Variants in TEX9 observed in about 807,000 individuals in gnomAD.
The protein encoded by TEX9 is testis-expressed protein 9.
In TEX9, 74 loss-of-function variants were observed where a neutral mutation model predicts 59.6. The observed-to-expected ratio is 1.24, with a 90% CI of 1.03 to 1.51. The LOEUF (loss-of-function observed/expected upper bound fraction) is 1.51. TEX9 is among the 40% of genes most tolerant of loss of function. The probability of loss-of-function intolerance (pLI) is 0.00; values close to 1 mark genes in which losing one functional copy is unlikely to be tolerated. For synonymous variants in TEX9, 186 were observed against 152.2 expected (o/e 1.22, Z -1.64); for missense variants, 522 against 447.8 (o/e 1.17, Z -1.49).
chr15:56,310,579 A>G (rs1946791602), intron 1 of TEX9, among the ~76,000 whole-genome samples: 1 of 152,182 alleles, frequency 6.6e-6, no homozygotes, highest in African/African-American at 2.4e-5. Flanking sequence ...AGCGCATCCT[A>G]CTTTCCATTG....
At chr15:56,279,191 C>T (rs546294810) in intron 1 of TEX9, among the ~76,000 whole-genome samples, 2 of 152,178 alleles carry the variant, frequency 1.3e-5, no homozygotes, top group South Asian at 4.2e-4. Context: ...AGAAATGTAC[C>T]TCATGAATTT....
chr15:56,281,340 A>C (rs2141455408), intron 1 of TEX9, among the ~76,000 whole-genome samples: 1 of 152,368 alleles, frequency 6.6e-6, no homozygotes, highest in Non-Finnish European at 1.5e-5. Flanking sequence ...TCTGTTAGGA[A>C]CTGGGCTGCA....
chr15:56,265,228 G>A (rs1265037157), intron 1 of TEX9, among the ~76,000 whole-genome samples: 1 of 150,390 alleles, frequency 6.6e-6, no homozygotes, highest in Non-Finnish European at 1.5e-5. Context: ...GAGTGTAGTG[G>A]TACCATAGCT....
chr15:56,311,951 A>G (rs1420826827), intron 1 of TEX9, among the ~76,000 whole-genome samples: 1 of 148,992 alleles, frequency 6.7e-6, no homozygotes, highest in East Asian at 2.0e-4. Context: ...TCTTTTGAGA[A>G]GTGTCTGTTC....
intron 5 of TEX9, among the ~76,000 whole-genome samples, chr15:56,388,925 G>T (rs1252729555): frequency 6.6e-6 from 1 of 151,846 alleles, no homozygotes; most frequent in Non-Finnish European, 1.5e-5. Flanking sequence ...AACATAGTGG[G>T]ATCTATGTTT....
At chr15:56,443,707 C>G (rs1181232919) in intron 12 of TEX9, 1 of 1,613,416 alleles carries the variant, frequency 6.2e-7, no homozygotes, top group African/African-American at 1.3e-5. Flanking sequence ...CTTCTCTTTG[C>G]TGCTGCATGT....
chr15:56,316,872 G>C (rs1008493357), intron 1 of TEX9, among the ~76,000 whole-genome samples: 1 of 152,184 alleles, frequency 6.6e-6, no homozygotes, highest in Non-Finnish European at 1.5e-5. Context: ...TTTTAAGCCC[G>C]TCGGAAAAGC....
intron 10 of TEX9, among the ~76,000 whole-genome samples, chr15:56,421,059 A>G (rs2049954346): frequency 6.6e-6 from 1 of 151,758 alleles, no homozygotes; most frequent in South Asian, 2.1e-4. Flanking sequence ...ATTATGTCAA[A>G]TTGCTTGATA....
chr15:56,376,826 T>TACTCCA (rs2047476725), intron 3 of TEX9, among the ~76,000 whole-genome samples: 1 of 152,116 alleles, frequency 6.6e-6, no homozygotes, highest in South Asian at 2.1e-4. Flanking sequence ...AATCTTTGTC[T>TACTCCA]ACTCCAATGT....
chr15:56,327,998 C>G (rs1448697586), intron 1 of TEX9, among the ~76,000 whole-genome samples: 1 of 152,040 alleles, frequency 6.6e-6, no homozygotes, highest in Admixed American at 6.5e-5. Flanking sequence ...TACTGAGACA[C>G]CAGCCAGGGC....
chr15:56,339,118 C>T (rs1032449906), intron 1 of TEX9, among the ~76,000 whole-genome samples: 1 of 151,586 alleles, frequency 6.6e-6, no homozygotes, highest in Admixed American at 6.6e-5. Flanking sequence ...TGTGGTGGCT[C>T]ACGTCTGTAA....
At chr15:56,303,296 CAT>C (rs2045403737) in intron 1 of TEX9, among the ~76,000 whole-genome samples, 1 of 152,096 alleles carries the variant, frequency 6.6e-6, no homozygotes, top group African/African-American at 2.4e-5. Flanking sequence ...AAGGATAGAC[CAT>C]ATGTTAGGCC....
At chr15:56,418,178 T>C (rs1212756967) in intron 10 of TEX9, among the ~76,000 whole-genome samples, 1 of 151,900 alleles carries the variant, frequency 6.6e-6, no homozygotes, top group Non-Finnish European at 1.5e-5. Context: ...ACTGTTTATA[T>C]TCAAGGTTAG....
chr15:56,283,416 C>T (rs543707540), intron 1 of TEX9, among the ~76,000 whole-genome samples: 1 of 151,846 alleles, frequency 6.6e-6, no homozygotes. Flanking sequence ...GTTACAAATA[C>T]CTTTTATACC....
exon 1 of TEX9, chr15:56,244,046 C>G (rs1269454922): frequency 6.6e-6 from 1 of 151,260 alleles, no homozygotes; most frequent in East Asian, 1.9e-4. Flanking sequence ...GGGAGGAGTC[C>G]GGCCCGGCTG....
intron 1 of TEX9, among the ~76,000 whole-genome samples, chr15:56,356,769 G>A (rs1168091184): frequency 6.6e-6 from 1 of 152,146 alleles, no homozygotes; most frequent in African/African-American, 2.4e-5. Flanking sequence ...ACTTGAGCCT[G>A]TCTAGCTGTT....
chr15:56,270,052 T>A (rs1232024711), intron 1 of TEX9, among the ~76,000 whole-genome samples: 1 of 152,180 alleles, frequency 6.6e-6, no homozygotes, highest in Non-Finnish European at 1.5e-5. Flanking sequence ...TGCTGAGGAG[T>A]GCTTTACTTC....
downstream of TEX9, among the ~76,000 whole-genome samples, chr15:56,448,751 C>CTTTTT (rs34366643): frequency 8.5e-6 from 1 of 117,678 alleles, no homozygotes; most frequent in East Asian, 2.3e-4. Flanking sequence ...TTTTTAGATT[C>CTTTTT]TTTTTTTTTT....
chr15:56,427,300 C>T (rs1455854714), intron 10 of TEX9, among the ~76,000 whole-genome samples: 1 of 151,698 alleles, frequency 6.6e-6, no homozygotes, highest in African/African-American at 2.4e-5. Flanking sequence ...AAAATGTTTT[C>T]AAATATATTA....
Sources: gnomAD v4.1 joint callset for allele counts (sites outside exome capture counted in the v4.1 genomes callset) on GRCh38, gnomAD v4.1.1 for gene constraint, MANE v1.5 for transcripts, NCBI Gene and HGNC (gene_info 2026-07-23, HGNC 2026-07-21) for gene names.